Variants in VGLL4 observed in about 807,000 individuals in gnomAD.
VGLL4 encodes the protein transcription cofactor vestigial-like protein 4.
In VGLL4, 7 loss-of-function variants were observed where a neutral mutation model predicts 21.0. The ratio of observed to expected loss-of-function variants is 0.33; its 90% CI spans 0.19 to 0.63. VGLL4 has a LOEUF of 0.63. Among genes scored for constraint, VGLL4 ranks in the 20% least tolerant of loss-of-function variants. VGLL4 has a pLI of 0.78. For synonymous variants in VGLL4, 222 were observed against 173.2 expected (o/e 1.28, Z -2.21); for missense variants, 394 against 425.7 (o/e 0.93, Z 0.66).
At position 11,568,673 on chromosome 3, in the gene VGLL4, G is replaced by A. The variant is rs377443791; in HGVS notation, c.273-3654C>T. 184 of 1,555,424 alleles carry A rather than the reference G, an allele frequency of 1.2e-4. No individual in the cohort carries two copies. The highest frequency in any genetic ancestry group is 1.4e-4 in the Non-Finnish European group (166 of 1,148,812). Reference sequence around the variant, plus strand: ...ATTGTTTTCCAGGCCCCGCTCGCCCGGATGAATCACCTCCCGGCCACTGCT... The same window carrying A: ...ATTGTTTTCCAGGCCCCGCTCGCCCAGATGAATCACCTCCCGGCCACTGCT... On this transcript the variant is annotated intron_variant, in intron 2 of 4. Coordinates refer to ENST00000430365, the MANE Select transcript of VGLL4 (RefSeq NM_001128219.3). The surrounding 1 kb of genome is among the most constrained non-coding windows in gnomAD (Gnocchi z 5.9).
intron 2 of VGLL4, among the ~76,000 whole-genome samples, chr3:11,654,544 CCTT>C (rs1189812517): frequency 1.3e-5 from 2 of 152,134 alleles, no homozygotes; most frequent in Admixed American, 6.5e-5. Context: ...ATGAATTTTA[CCTT>C]ATTAGCTTTG....
chr3:11,625,897 G>A (rs1301836840), intron 1 of VGLL4, among the ~76,000 whole-genome samples: 1 of 152,110 alleles, frequency 6.6e-6, no homozygotes, highest in Admixed American at 6.5e-5. Flanking sequence ...CCAGCAGGAC[G>A]GGGGAATGGA....
chr3:11,568,751 C>T lies in VGLL4; in HGVS notation c.273-3732G>A, dbSNP rs540360126. ...GGCAGAAAACCGCACGCATCCTGCC[C>T]GGGAGATGGAAGTCGCCTCCGCTCC... On this transcript the variant is annotated intron_variant, in intron 2 of 4. Coordinates refer to ENST00000430365, the MANE Select transcript of VGLL4 (RefSeq NM_001128219.3). This position sits in a 1 kb window ranked among gnomAD's most constrained non-coding sequence, Gnocchi z 5.9. The T allele has an allele frequency of 7.9e-6, 12 of 1,516,712 alleles. No individual in the cohort carries two copies. Among genetic ancestry groups the T allele is most frequent in the South Asian group, 7.6e-5 (6 of 78,908 alleles). 94.0% of individuals were successfully genotyped at this position (1,516,712 alleles called of 1,614,324 possible).
At chr3:11,684,730 CTGTGTGTG>C (rs61220485) in intron 2 of VGLL4, among the ~76,000 whole-genome samples, 5 of 148,674 alleles carry the variant, frequency 3.4e-5, no homozygotes, top group African/African-American at 1.2e-4. Flanking sequence ...CAACCTTTTT[CTGTGTGTG>C]TGTGTGTGTG....
intron 1 of VGLL4, among the ~76,000 whole-genome samples, chr3:11,613,866 G>A (rs1394260504): frequency 1.3e-5 from 2 of 152,132 alleles, no homozygotes; most frequent in Non-Finnish European, 2.9e-5. Context: ...TGTCCTTCTC[G>A]CTACTCATGA....
intron 3 of VGLL4, among the ~76,000 whole-genome samples, chr3:11,561,208 C>A (rs573867859): frequency 5.3e-5 from 8 of 152,230 alleles, no homozygotes; most frequent in African/African-American, 1.4e-4. Context: ...CTGACCCACG[C>A]AAATGTGGGG....
intron 1 of VGLL4, among the ~76,000 whole-genome samples, chr3:11,610,042 A>C (rs188909411): frequency 6.6e-6 from 1 of 152,280 alleles, no homozygotes; most frequent in Admixed American, 6.5e-5. Context: ...TAAATCAAAG[A>C]AGCAAAACCA....
intron 2 of VGLL4, among the ~76,000 whole-genome samples, chr3:11,682,381 G>T (rs2076386963): frequency 7.1e-6 from 1 of 139,896 alleles, no homozygotes; most frequent in African/African-American, 2.7e-5. Flanking sequence ...CTCCAGCCCG[G>T]GTGACAGTAC....
Position 11,659,803 on chromosome 3 carries a change from G to A in VGLL4, c.64+43168C>T, listed in dbSNP as rs552122572. Among the ~76,000 whole-genome samples, 169 of 152,318 alleles carry A rather than the reference G, an allele frequency of 1.1e-3. 1 individual carries two copies. Among genetic ancestry groups the A allele is most frequent in the African/African-American group, 3.9e-3 (162 of 41,578 alleles). ...CTATAACCCATTGATTATTGCATGA[G>A]CAGATTAAGTGAATTTTAACTGATT... On this transcript the variant is annotated intron_variant, in intron 2 of 5. Coordinates refer to the VGLL4 transcript ENST00000273038.
In VGLL4 at chr3:11,629,990, A is replaced by T. The variant is rs572441549; in HGVS notation, c.82+13447T>A. On this transcript the variant is annotated intron_variant, in intron 1 of 4. Coordinates refer to ENST00000430365, the MANE Select transcript of VGLL4 (RefSeq NM_001128219.3). ...AAGCTAAAGGAAAGTGTTCTCAAAA[A>T]AGAGTCTTCTGTGCCACGTTGGTGT... Among the ~76,000 whole-genome samples, 29 of 152,146 alleles carry T rather than the reference A, an allele frequency of 1.9e-4. No homozygotes were observed. In the East Asian group the frequency reaches 5.4e-3, roughly 28 times the overall value.
At chr3:11,656,534 C>T (rs1431849134) in intron 2 of VGLL4, among the ~76,000 whole-genome samples, 7 of 152,146 alleles carry the variant, frequency 4.6e-5, no homozygotes, top group African/African-American at 1.7e-4. Context: ...TGTGGCTAAG[C>T]CCTCAACGTA....
chr3:11,582,471 AAT>A (rs1456941076), intron 2 of VGLL4: 1 of 1,149,762 alleles, frequency 8.7e-7, no homozygotes, highest in African/African-American at 1.6e-5. Flanking sequence ...CCTGCACTGC[AAT>A]AAAAGTTTCC....
chr3:11,595,681 T>C (rs969718803), intron 2 of VGLL4, among the ~76,000 whole-genome samples: 20 of 152,200 alleles, frequency 1.3e-4, no homozygotes, highest in African/African-American at 3.4e-4. Flanking sequence ...TTTATGTCCT[T>C]TGTAGGGACA....
intron 2 of VGLL4, among the ~76,000 whole-genome samples, chr3:11,600,831 C>G (rs1292895228): frequency 6.6e-6 from 1 of 152,124 alleles, no homozygotes; most frequent in Non-Finnish European, 1.5e-5. Context: ...TGAGGAAACA[C>G]TGACTCATGC....
intron 2 of VGLL4, among the ~76,000 whole-genome samples, chr3:11,589,107 G>C (rs890211109): frequency 6.6e-6 from 1 of 152,146 alleles, no homozygotes; most frequent in Non-Finnish European, 1.5e-5. Flanking sequence ...GAGCCCTTCA[G>C]GGAAGAGGAA....
At chr3:11,629,545 TC>T (rs1349080879) in intron 1 of VGLL4, among the ~76,000 whole-genome samples, 1 of 151,720 alleles carries the variant, frequency 6.6e-6, no homozygotes, top group Non-Finnish European at 1.5e-5. Flanking sequence ...TCACCTGAGG[TC>T]AGGAGTTCAA....
At chr3:11,584,799 GA>G (rs34312251) in intron 2 of VGLL4, among the ~76,000 whole-genome samples, 132,308 of 145,722 alleles carry the variant, frequency 0.91, 60,136 homozygotes, top group Non-Finnish European at 0.93. Flanking sequence ...CTTGAAAAGA[GA>G]AAAAAAAAAA....
chr3:11,616,537 GCT>G (rs1443744338), intron 1 of VGLL4, among the ~76,000 whole-genome samples: 2 of 152,158 alleles, frequency 1.3e-5, no homozygotes, highest in Non-Finnish European at 2.9e-5. Flanking sequence ...TGCCACCCAT[GCT>G]CTCTTATTGA....
chr3:11,574,783 A>ATGTGTGTGTG (rs768970246), intron 2 of VGLL4, among the ~76,000 whole-genome samples: 433 of 111,692 alleles, frequency 3.9e-3, no homozygotes, highest in South Asian at 7.1e-3. Context: ...ATTCAACTAT[A>ATGTGTGTGTG]TATGTGTGTG....
Sources: gnomAD v4.1 joint callset for allele counts (sites outside exome capture counted in the v4.1 genomes callset) on GRCh38, gnomAD v4.1.1 for gene constraint, Gnocchi (gnomAD v3.1) non-coding constraint, MANE v1.5 for transcripts, NCBI Gene and HGNC (gene_info 2026-07-23, HGNC 2026-07-21) for gene names.